The following CASD1 variants were observed in gnomAD, a reference collection of about 807,000 sequenced individuals.
CASD1 encodes N-acetylneuraminate (7)9-O-acetyltransferase.
A neutral mutation model predicts 100.0 loss-of-function variants in CASD1; 41 were observed. The observed-to-expected ratio is 0.41, with a 90% CI of 0.32 to 0.53. CASD1 has a LOEUF of 0.53. Among genes scored for constraint, CASD1 ranks in the 20% least tolerant of loss-of-function variants. The probability of loss-of-function intolerance (pLI) is 0.25; values close to 1 mark genes in which losing one functional copy is unlikely to be tolerated. For synonymous variants in CASD1, 321 were observed against 315.6 expected (o/e 1.02, Z -0.18); for missense variants, 774 against 948.7 (o/e 0.82, Z 2.42).
At chr7:94,544,377 A>G (rs768320802) in intron 10 of CASD1, 34 bp from the exon 11 acceptor site, 1 of 1,610,226 alleles carries the variant, frequency 6.2e-7, no homozygotes, top group East Asian at 2.2e-5. Context: ...AGTTGATGCC[A>G]ACATATGTTT....
intron 13 of CASD1, among the ~76,000 whole-genome samples, chr7:94,547,813 G>A (rs1384678764): frequency 6.6e-6 from 1 of 151,770 alleles, no homozygotes; most frequent in East Asian, 1.9e-4. Context: ...TAATTCAAAT[G>A]CCTGTAGTTG....
At chr7:94,599,759 G>A in the CASD1 span, 2 of 1,393,292 alleles carry the variant, frequency 1.4e-6, no homozygotes, top group South Asian at 1.2e-5. Flanking sequence ...TTAAATAATA[G>A]CATTGATATT....
At chr7:94,530,716 G>A (rs1489169809) in intron 5 of CASD1, among the ~76,000 whole-genome samples, 1 of 152,110 alleles carries the variant, frequency 6.6e-6, no homozygotes, top group Non-Finnish European at 1.5e-5. Flanking sequence ...TCTTGGTATG[G>A]ATTGAGGTAA....
the CASD1 span, chr7:94,625,037 C>T: frequency 1.3e-5 from 2 of 151,848 alleles, no homozygotes; most frequent in African/African-American, 4.8e-5. Flanking sequence ...CTGTAATATC[C>T]TCAGATTTTA....
the CASD1 span, among the ~76,000 whole-genome samples, chr7:94,614,933 TG>T: frequency 1.3e-5 from 2 of 152,240 alleles, no homozygotes; most frequent in Non-Finnish European, 2.9e-5. Context: ...TGACTTCATT[TG>T]TTTTTTTGTT....
downstream of CASD1, among the ~76,000 whole-genome samples, chr7:94,561,187 A>G (rs1289627227): frequency 1.3e-5 from 2 of 152,096 alleles, no homozygotes; most frequent in East Asian, 3.9e-4. Flanking sequence ...CAGAGGTTGC[A>G]ATGAGCCGAG....
chr7:94,618,668 C>G, the CASD1 span: 5 of 1,065,000 alleles, frequency 4.7e-6, no homozygotes, highest in East Asian at 7.5e-5. Flanking sequence ...ACGAAAAATG[C>G]AATAGGCCAT....
intron 12 of CASD1, 98 bp from the exon 13 acceptor site, chr7:94,546,998 A>G (rs570591932): frequency 1.5e-6 from 1 of 657,168 alleles, no homozygotes; most frequent in East Asian, 3.1e-5. Context: ...ATATTATTTT[A>G]AGAACTATTC....
chr7:94,544,285 A>G (rs1350935893), intron 10 of CASD1, 126 bp from the exon 11 acceptor site: 2 of 1,170,612 alleles, frequency 1.7e-6, no homozygotes, highest in South Asian at 1.4e-5. Flanking sequence ...TTGAGAATCA[A>G]CTTTGTGATT....
At chr7:94,585,606 G>A in the CASD1 span, 1 of 837,390 alleles carries the variant, frequency 1.2e-6, no homozygotes, top group Non-Finnish European at 2.1e-6. Flanking sequence ...CAAGGAGAAA[G>A]TTTCCATCTT....
In CASD1 at chr7:94,555,531, A is replaced by G. The variant is rs1182232787; in HGVS notation, c.2167A>G (p.Thr723Ala). The G allele has an allele frequency of 1.2e-6, 2 of 1,613,272 alleles. No homozygotes were observed. The highest frequency in any genetic ancestry group is 1.7e-6 in the Non-Finnish European group (2 of 1,179,564). ...GTATCACATATGGCTGGCAGCGGAC[A>G]CAAGGGGTATCTTGGTACTGATACC... is the stretch of plus-strand genomic sequence containing the variant. ...CQYHIWLAAD[T>A]RGILVLIPGN... The change falls in exon 18 of 18, where the codon ACA (threonine) becomes GCA (alanine). Residue 723 changes from threonine to alanine, a missense_variant. Thr to Ala is a moderately conservative substitution (Grantham distance 58, BLOSUM62 0). Around this residue, in one of 5 missense-constraint regions of CASD1, gnomAD observed 175 missense variants for 206.9 expected, o/e 0.85. Coordinates refer to ENST00000297273, the MANE Select transcript of CASD1 (RefSeq NM_022900.5).
the CASD1 span, among the ~76,000 whole-genome samples, chr7:94,613,548 C>G: frequency 2.4e-4 from 36 of 152,182 alleles, no homozygotes; most frequent in African/African-American, 8.4e-4. Flanking sequence ...AGAGTTGTTT[C>G]TTGTGAAGAA....
At chr7:94,536,442 A>C (rs1795124647) in intron 8 of CASD1, among the ~76,000 whole-genome samples, 1 of 152,184 alleles carries the variant, frequency 6.6e-6, no homozygotes, top group African/African-American at 2.4e-5. Context: ...AGTGGTTCTT[A>C]ACCTTTGTGA....
At chr7:94,617,715 A>G in the CASD1 span, 1 of 152,248 alleles carries the variant, frequency 6.6e-6, no homozygotes, top group Non-Finnish European at 1.5e-5. Context: ...CCATTGCTAT[A>G]AAACAGAAGA....
At chr7:94,541,756 T>C (rs1795415226) in intron 10 of CASD1, among the ~76,000 whole-genome samples, 1 of 151,942 alleles carries the variant, frequency 6.6e-6, no homozygotes, top group African/African-American at 2.4e-5. Flanking sequence ...TAATAGAGAA[T>C]TTTGAATATG....
chr7:94,571,870 CAAA>C, the CASD1 span, among the ~76,000 whole-genome samples: 27 of 142,010 alleles, frequency 1.9e-4, no homozygotes, highest in South Asian at 6.7e-4. Flanking sequence ...ACTAAAACCT[CAAA>C]AAAAAAAAAA....
the CASD1 span, among the ~76,000 whole-genome samples, chr7:94,567,032 C>T: frequency 6.6e-6 from 1 of 152,092 alleles, no homozygotes; most frequent in Non-Finnish European, 1.5e-5. Context: ...AATGGCTATA[C>T]TCCAGATATT....
At chr7:94,512,487 A>G (rs903668690) in intron 1 of CASD1, among the ~76,000 whole-genome samples, 4 of 152,232 alleles carry the variant, frequency 2.6e-5, no homozygotes, top group Admixed American at 1.3e-4. Context: ...TTGGATATAC[A>G]TATTCAGTAT....
In CASD1 at chr7:94,510,205, C is replaced by T. The variant is rs975049402; in HGVS notation, c.121C>T (p.Arg41Cys). The change falls in exon 1 of 18, where the codon CGC becomes TGC. Residue 41 changes from arginine to cysteine, a missense_variant. Arg to Cys is a radical substitution (Grantham distance 180, BLOSUM62 -3). This residue lies in a region of CASD1 where 75 missense variants were observed against 60.9 expected (regional missense o/e 1.23). Transcript: ENST00000297273. ...GCTCGCAGCGTGCCACCTCGCCTCC[C>T]GCCGCTACCGAGGTGAGCGGGCCCT... The part of the protein sequence containing the change: ...LLLAACHLAS[R>C]RYRGNDSCEY... 11 of 1,510,802 alleles carry T rather than the reference C, an allele frequency of 7.3e-6. No homozygotes were observed. Among genetic ancestry groups the T allele is most frequent in the African/African-American group, 1.4e-5 (1 of 69,446 alleles). 93.6% of individuals were successfully genotyped at this position (1,510,802 alleles called of 1,614,324 possible). A position where few individuals can be genotyped will look rare whatever the true frequency, so the allele number is the denominator to read the frequency against.
Sources: gnomAD v4.1 joint callset for allele counts (sites outside exome capture counted in the v4.1 genomes callset) on GRCh38, gnomAD v4.1.1 for gene constraint, gnomAD v4.1.1 regional missense constraint, MANE v1.5 for transcripts, NCBI Gene and HGNC (gene_info 2026-07-23, HGNC 2026-07-21) for gene names.